The following PAFAH2 variants were observed in gnomAD, a reference collection of about 807,000 sequenced individuals.
PAFAH2 encodes platelet activating factor acetylhydrolase 2.
Under a neutral mutation model 49.0 loss-of-function variants are expected in PAFAH2, and 42 were observed. That is an observed-to-expected ratio of 0.86 (90% CI 0.67 to 1.11). PAFAH2 has a LOEUF of 1.11. PAFAH2 is among the 50% of genes least tolerant of loss of function. The pLI is 0.00. For synonymous variants in PAFAH2, 184 were observed against 181.3 expected (o/e 1.01, Z -0.12); for missense variants, 503 against 501.8 (o/e 1.00, Z -0.02).
At chr1:25,974,337 A>G in intron 9 of PAFAH2, 143 bp downstream of exon 9, 1 of 561,342 alleles carries the variant, frequency 1.8e-6, no homozygotes, top group Non-Finnish European at 3.0e-6. Flanking sequence ...GAAAATTCTA[A>G]AAGAATTTAG....
intron 10 of PAFAH2, among the ~76,000 whole-genome samples, chr1:25,968,281 A>G (rs911985524): frequency 6.6e-6 from 1 of 152,182 alleles, no homozygotes; most frequent in African/African-American, 2.4e-5. Context: ...TAATGAGGCA[A>G]CTGAGGTGGG....
intron 10 of PAFAH2, among the ~76,000 whole-genome samples, chr1:25,964,810 A>C (rs1056890015): frequency 6.6e-6 from 1 of 152,232 alleles, no homozygotes; most frequent in Non-Finnish European, 1.5e-5. Context: ...ATGGAATGGA[A>C]GAATCAATGT....
intron 7 of PAFAH2, among the ~76,000 whole-genome samples, 177 bp from the exon 8 acceptor site, chr1:25,976,950 G>A (rs1451235031): frequency 1.2e-4 from 18 of 150,704 alleles, no homozygotes; most frequent in Admixed American, 1.1e-3. Flanking sequence ...CAACAGTCAA[G>A]CAATCCTTAG....
rs935391025 is a variant in PAFAH2 at position 25,993,986 on chromosome 1, C to T, written c.-47-3123G>A. On this transcript the variant is annotated intron_variant, in intron 1 of 10. Transcript: ENST00000374282. ...AGAAGGAAGCTTGTGTGAGAAACAA[C>T]GCAAGGTGAGAAGAGAAAGTTGTGA... Among the ~76,000 whole-genome samples the T allele has an allele frequency of 3.9e-5, 6 of 151,974 alleles. No homozygotes were observed. In the East Asian group the frequency reaches 5.8e-4, roughly 15 times the overall value.
At chr1:25,984,377 G>A (rs1368740722) in intron 5 of PAFAH2, 83 bp downstream of exon 5, 4 of 1,047,280 alleles carry the variant, frequency 3.8e-6, no homozygotes, top group Non-Finnish European at 5.8e-6. Flanking sequence ...TTGTCGAGAG[G>A]GTTAGAAATA....
intron 10 of PAFAH2, among the ~76,000 whole-genome samples, chr1:25,962,931 C>A (rs12030759): frequency 0.52 from 78,411 of 151,852 alleles, 23,826 homozygotes; most frequent in East Asian, 0.68. Context: ...AAATCCAGGA[C>A]CACTTCAGTG....
Position 25,983,956 on chromosome 1 carries a change from C to G in PAFAH2, c.542G>C (p.Arg181Pro). The G allele has an allele frequency of 6.2e-7, 1 of 1,614,098 alleles. No individual in the cohort carries two copies. The highest frequency in any genetic ancestry group is 8.5e-7 in the Non-Finnish European group (1 of 1,180,006). ...CTGGCACAAACTTACCTGGGGATTCCGAACATGAAATTCCTTCTCCCCTTC... is the reference window on the plus strand; with the variant it reads ...CTGGCACAAACTTACCTGGGGATTCGGAACATGAAATTCCTTCTCCCCTTC... ...VEEGEKEFHV[R>P]NPQVHQRVSE... Residue 181 changes from arginine to proline, a missense_variant, in exon 6 of 11, where the codon CGG becomes CCG. Physicochemically the swap from Arg to Pro is moderately radical, Grantham distance 103 (BLOSUM62 -2). Coordinates refer to ENST00000374282, the MANE Select transcript of PAFAH2 (RefSeq NM_000437.4).
intron 1 of PAFAH2, among the ~76,000 whole-genome samples, chr1:25,994,374 T>A (rs2049912705): frequency 6.6e-6 from 1 of 152,050 alleles, no homozygotes; most frequent in Admixed American, 6.6e-5. Context: ...CAAGCGATAA[T>A]CCTGCCTTAG....
At chr1:25,973,485 T>C (rs966768560) in intron 9 of PAFAH2, among the ~76,000 whole-genome samples, 3 of 152,280 alleles carry the variant, frequency 2.0e-5, no homozygotes, top group Non-Finnish European at 4.4e-5. Context: ...CAGCACTCAG[T>C]TGAATAAACG....
intron 9 of PAFAH2, among the ~76,000 whole-genome samples, chr1:25,973,799 G>C (rs2049544977): frequency 6.6e-6 from 1 of 152,198 alleles, no homozygotes; most frequent in South Asian, 2.1e-4. Context: ...GAACCAGATG[G>C]ATCCCTGGAT....
chr1:25,990,892 G>A (rs2992056), intron 1 of PAFAH2, 29 bp from the exon 2 acceptor site: 234,314 of 1,172,082 alleles, frequency 0.2, 25,074 homozygotes, highest in African/African-American at 0.33. Flanking sequence ...AACAGCAGCC[G>A]CTTGCTGGTT....
chr1:25,969,508 T>C (rs2049475450), intron 10 of PAFAH2, among the ~76,000 whole-genome samples: 1 of 152,214 alleles, frequency 6.6e-6, no homozygotes, highest in Non-Finnish European at 1.5e-5. Context: ...TGCCACTTGA[T>C]AACCAGATAA....
rs2049842019 is a variant in PAFAH2 at position 25,989,507 on chromosome 1, A to G, written c.185T>C (p.Leu62Pro). 7.4e-6 allele frequency: 12 copies of G among 1,611,686 alleles called. No individual in the cohort carries two copies. The highest frequency in any genetic ancestry group is 1.0e-5 in the Non-Finnish European group (12 of 1,178,824). The change falls in exon 3 of 11, where the codon CTG becomes CCG. Residue 62 changes from leucine to proline, a missense_variant. By Grantham distance (98) the Leu-to-Pro change is moderately conservative. Transcript: ENST00000374282. ...CTTATTAAACTGCAGGTACTCGGCC[A>G]GGCCAGTGCAGTACTCATAGCGGGG... is the stretch of plus-strand genomic sequence containing the variant. ...WIPRYEYCTG[L>P]AEYLQFNKRC... is the part of the protein sequence containing the mutation.
intron 10 of PAFAH2, among the ~76,000 whole-genome samples, chr1:25,966,943 A>G (rs1268226475): frequency 6.6e-6 from 1 of 150,574 alleles, no homozygotes; most frequent in African/African-American, 2.4e-5. Flanking sequence ...GAGGCAGGAG[A>G]ATGGCGTGAA....
intron 10 of PAFAH2, among the ~76,000 whole-genome samples, chr1:25,963,796 T>C (rs1044415944): frequency 2.0e-5 from 3 of 152,160 alleles, no homozygotes; most frequent in East Asian, 1.9e-4. Context: ...CCACGGTGCC[T>C]GGCCAGGCCA....
chr1:25,985,950 C>T (rs1324965715), intron 4 of PAFAH2, among the ~76,000 whole-genome samples: 1 of 152,244 alleles, frequency 6.6e-6, no homozygotes, highest in Non-Finnish European at 1.5e-5. Flanking sequence ...GAGAACCTAG[C>T]ACAGCACAGC....
chr1:25,991,561 C>T (rs940638518), intron 1 of PAFAH2, among the ~76,000 whole-genome samples: 2 of 146,032 alleles, frequency 1.4e-5, no homozygotes, highest in African/African-American at 2.5e-5. Context: ...GGATTACAGG[C>T]GTGAGCCACC....
At chr1:25,982,955 T>A (rs562362646) in intron 6 of PAFAH2, among the ~76,000 whole-genome samples, 1 of 152,240 alleles carries the variant, frequency 6.6e-6, no homozygotes, top group Admixed American at 6.5e-5. Context: ...ATTTTGTTAC[T>A]TCTCCCCAGG....
intron 10 of PAFAH2, among the ~76,000 whole-genome samples, chr1:25,969,546 C>A (rs771873169): frequency 4.6e-5 from 7 of 152,204 alleles, no homozygotes; most frequent in African/African-American, 1.4e-4. Context: ...AAATTTCCTA[C>A]GCTTTGGTAT....
Sources: allele counts gnomAD v4.1 joint callset (sites outside exome capture counted in the v4.1 genomes callset), GRCh38; gene constraint gnomAD v4.1.1; transcripts MANE v1.5; gene names NCBI Gene and HGNC (gene_info 2026-07-23, HGNC 2026-07-21).